The following LSAMP variants were observed in gnomAD, a reference collection of about 807,000 sequenced individuals.
The protein encoded by LSAMP is limbic system associated membrane protein.
LSAMP carries 7 observed loss-of-function variants against 38.6 expected under a neutral mutation model. That is an observed-to-expected ratio of 0.18 (90% confidence interval 0.10 to 0.34). LSAMP has a LOEUF of 0.34. LSAMP is among the 10% of genes least tolerant of loss of function. The probability of loss-of-function intolerance (pLI) is 1.00; values close to 1 mark genes in which losing one functional copy is unlikely to be tolerated. For synonymous variants in LSAMP, 154 were observed against 166.8 expected, an observed-to-expected ratio of 0.92 and a Z score of 0.59; for missense variants, 313 against 420.0, an observed-to-expected ratio of 0.75 and a Z score of 2.23.
intron 3 of LSAMP, among the ~76,000 whole-genome samples, chr3:115,992,347 C>G (rs1299678518): frequency 6.6e-6 from 1 of 151,954 alleles, no homozygotes; most frequent in Non-Finnish European, 1.5e-5. Context: ...TCTCGCTACT[C>G]TCCTCCTCCA....
In LSAMP at chr3:116,004,665, T is replaced by C. The variant is rs1407505573; in HGVS notation, c.514+14850A>G. Among the ~76,000 whole-genome samples the C allele has an allele frequency of 2.0e-5, 3 of 151,994 alleles. No individual in the cohort carries two copies. In the East Asian group the frequency reaches 5.8e-4, roughly 29 times the overall value. On this transcript the variant is annotated intron_variant, in intron 3 of 6. Transcript: ENST00000490035. ...GTATATACATATATGTATATATGTATGTACTTTTATACCATTTTTATACTA... is the reference window on the plus strand; with the variant it reads ...GTATATACATATATGTATATATGTACGTACTTTTATACCATTTTTATACTA...
intron 1 of LSAMP, among the ~76,000 whole-genome samples, chr3:116,208,994 G>A (rs974082820): frequency 3.9e-5 from 6 of 152,186 alleles, no homozygotes; most frequent in Admixed American, 2.0e-4. Flanking sequence ...CGCCCCTCCC[G>A]GAGCCTCGCT....
chr3:115,893,920 G>A (rs1249054949), intron 3 of LSAMP, among the ~76,000 whole-genome samples: 1 of 151,932 alleles, frequency 6.6e-6, no homozygotes, highest in African/African-American at 2.4e-5. Context: ...GTAGCCATGT[G>A]ACCCAGTTGC....
intron 4 of LSAMP, among the ~76,000 whole-genome samples, chr3:115,845,342 C>T (rs144063862): frequency 7.8e-4 from 119 of 152,216 alleles, no homozygotes; most frequent in African/African-American, 2.5e-3. Flanking sequence ...TGTTCAATTT[C>T]CCAATTTGTA....
chr3:116,016,452 G>A (rs1940485476), intron 3 of LSAMP, among the ~76,000 whole-genome samples: 1 of 152,180 alleles, frequency 6.6e-6, no homozygotes, highest in African/African-American at 2.4e-5. Flanking sequence ...GACTGTAGAA[G>A]AGTAAAGTTG....
At chr3:115,971,924 A>G (rs1273242411) in intron 3 of LSAMP, among the ~76,000 whole-genome samples, 2 of 152,144 alleles carry the variant, frequency 1.3e-5, no homozygotes, top group Non-Finnish European at 2.9e-5. Context: ...ATTGCATTCA[A>G]TTATCACTTG....
At chr3:116,338,698 C>T (rs1345480221) in intron 1 of LSAMP, among the ~76,000 whole-genome samples, 1 of 151,974 alleles carries the variant, frequency 6.6e-6, no homozygotes, top group African/African-American at 2.4e-5. Context: ...TAGATTTTAT[C>T]AGGGTTCTTT....
chr3:116,437,951 A>G (rs926509796), intron 1 of LSAMP, among the ~76,000 whole-genome samples: 1 of 151,754 alleles, frequency 6.6e-6, no homozygotes, highest in African/African-American at 2.4e-5. Context: ...TATTCTACAT[A>G]TCTATGAGGT....
At chr3:115,845,663 A>G (rs927448108) in intron 4 of LSAMP, among the ~76,000 whole-genome samples, 1 of 152,152 alleles carries the variant, frequency 6.6e-6, no homozygotes, top group Admixed American at 6.5e-5. Context: ...GTTGCCATGC[A>G]TGACTGGGGA....
intron 3 of LSAMP, among the ~76,000 whole-genome samples, chr3:115,885,842 G>GA (rs914255341): frequency 1.1e-4 from 16 of 151,466 alleles, no homozygotes; most frequent in Admixed American, 4.6e-4. Context: ...TGGAGAGCCT[G>GA]AAAAAAAACC....
intron 1 of LSAMP, among the ~76,000 whole-genome samples, chr3:116,178,408 T>C (rs1367653621): frequency 6.6e-6 from 1 of 152,146 alleles, no homozygotes. Context: ...CCTCAAGTGA[T>C]CTGCCCACCT....
At chr3:116,285,089 G>T (rs368438492) in intron 1 of LSAMP, among the ~76,000 whole-genome samples, 1 of 152,140 alleles carries the variant, frequency 6.6e-6, no homozygotes, top group Non-Finnish European at 1.5e-5. Flanking sequence ...GACTGAAATC[G>T]TTGATCACTA....
At chr3:115,882,764 C>G (rs187111594) in intron 3 of LSAMP, among the ~76,000 whole-genome samples, 35 of 152,094 alleles carry the variant, frequency 2.3e-4, no homozygotes, top group Admixed American at 2.0e-3. Context: ...TCTTCTCTCC[C>G]TCATCTCTCA....
intron 1 of LSAMP, among the ~76,000 whole-genome samples, chr3:116,375,278 C>T (rs1475156337): frequency 1.3e-5 from 2 of 151,640 alleles, no homozygotes; most frequent in East Asian, 3.9e-4. Flanking sequence ...CTGTTTGTTG[C>T]TGGGAAAGTA....
At chr3:116,238,068 C>G (rs866594136) in intron 1 of LSAMP, among the ~76,000 whole-genome samples, 1 of 152,108 alleles carries the variant, frequency 6.6e-6, no homozygotes, top group Non-Finnish European at 1.5e-5. Context: ...AAAAATGTCT[C>G]AAGATATTGC....
chr3:116,241,193 C>CT lies in LSAMP; in HGVS notation c.156-154638dup, dbSNP rs945490024. Among the ~76,000 whole-genome samples, 5 of 149,830 alleles carry CT rather than the reference C, an allele frequency of 3.3e-5. No individual in the cohort carries two copies. The East Asian group carries it at 5.9e-4, about 18-fold the overall frequency. On this transcript the variant is annotated intron_variant, in intron 1 of 6. Transcript: ENST00000490035. ...ACTCCATTTAAAAAAAAAAAAAAAACTTGCAGATATTCCCATTTTTTTTTT... is the reference window on the plus strand; with the variant it reads ...ACTCCATTTAAAAAAAAAAAAAAAACTTTGCAGATATTCCCATTTTTTTTTT...
chr3:116,427,624 C>A (rs1419563914), intron 1 of LSAMP, among the ~76,000 whole-genome samples: 2 of 151,792 alleles, frequency 1.3e-5, no homozygotes, highest in Non-Finnish European at 2.9e-5. Flanking sequence ...AAGTCTTTCT[C>A]TTAAAAAAAT....
chr3:115,939,521 G>A (rs987967964), intron 3 of LSAMP, among the ~76,000 whole-genome samples: 3 of 119,580 alleles, frequency 2.5e-5, no homozygotes, highest in Non-Finnish European at 5.6e-5. Flanking sequence ...TTTTCTTTAT[G>A]TTCTCTTTCT....
intron 2 of LSAMP, among the ~76,000 whole-genome samples, chr3:116,041,368 C>T (rs932484361): frequency 1.3e-4 from 20 of 152,082 alleles, no homozygotes; most frequent in Non-Finnish European, 5.9e-5. Flanking sequence ...ACATGCTTGT[C>T]CAAAGTTTAG....
Sources: allele counts gnomAD v4.1 joint callset (sites outside exome capture counted in the v4.1 genomes callset), GRCh38; gene constraint gnomAD v4.1.1; transcripts MANE v1.5; gene names NCBI Gene and HGNC (gene_info 2026-07-23, HGNC 2026-07-21).